Variants in SCN11A observed in about 807,000 individuals in gnomAD.
SCN11A encodes sodium voltage-gated channel alpha subunit 11, also known as sodium channel protein type 11 subunit alpha.
Under a neutral mutation model 162.2 loss-of-function variants are expected in SCN11A, and 122 were observed. The observed-to-expected ratio is 0.75, with a 90% confidence interval of 0.65 to 0.87. The LOEUF (loss-of-function observed/expected upper bound fraction) is 0.87. Among genes scored for constraint, SCN11A ranks in the 40% least tolerant of loss-of-function variants. The pLI, the probability that SCN11A is intolerant of heterozygous loss-of-function variation, is 0.00. For synonymous variants in SCN11A, 758 were observed against 751.5 expected (o/e 1.01, Z -0.14); for missense variants, 2,015 against 2,181.6 (o/e 0.92, Z 1.52).
intron 7 of SCN11A, 45 bp from the exon 8 acceptor site, chr3:38,926,976 T>C (rs374436118): frequency 8.3e-6 from 13 of 1,572,072 alleles, no homozygotes; most frequent in Middle Eastern, 1.7e-4. Flanking sequence ...TGATAAACAA[T>C]GTGAAAAGCA....
At chr3:38,952,912 G>A (rs1056561822) in intron 4 of SCN11A, among the ~76,000 whole-genome samples, 2 of 152,228 alleles carry the variant, frequency 1.3e-5, no homozygotes, top group African/African-American at 4.8e-5. Context: ...GCTTTACTCA[G>A]CAGAGGGAGA....
At chr3:38,882,253 A>C (rs2065321530) in intron 22 of SCN11A, among the ~76,000 whole-genome samples, 1 of 152,192 alleles carries the variant, frequency 6.6e-6, no homozygotes, top group African/African-American at 2.4e-5. Flanking sequence ...TAGAGATCAC[A>C]CAAGTGTAAA....
rs2065772805 is a variant in SCN11A, at chr3:38,905,174, T to C, written c.1603+18A>G. On this transcript the variant is annotated intron_variant, in intron 15 of 29. Coordinates refer to ENST00000302328, the MANE Select transcript of SCN11A (RefSeq NM_001349253.2). ...TCACTGAAGTAGACTTTCCCTTGGA[T>C]TGGGATGTGGAACTTACCCTTCATG... 6.2e-7 allele frequency: 1 copy of C among 1,613,770 alleles called. No homozygotes were observed. The highest frequency in any genetic ancestry group is 8.5e-7 in the Non-Finnish European group (1 of 1,179,854).
At chr3:38,898,252 C>A (rs1467840727) in intron 17 of SCN11A, among the ~76,000 whole-genome samples, 1 of 152,110 alleles carries the variant, frequency 6.6e-6, no homozygotes, top group Non-Finnish European at 1.5e-5. Flanking sequence ...AAGAAAATAA[C>A]AATAATCAAA....
At chr3:38,952,532 G>C (rs1339326350) in intron 4 of SCN11A, among the ~76,000 whole-genome samples, 1 of 152,222 alleles carries the variant, frequency 6.6e-6, no homozygotes, top group Non-Finnish European at 1.5e-5. Flanking sequence ...TAACGGTGAA[G>C]AAACACAGTC....
intron 2 of SCN11A, among the ~76,000 whole-genome samples, chr3:39,002,872 T>C (rs1450517004): frequency 6.6e-6 from 1 of 152,228 alleles, no homozygotes; most frequent in East Asian, 1.9e-4. Context: ...CAAGCTGAAC[T>C]GCTGCAGCTA....
chr3:38,991,415 C>T (rs1381580629), intron 2 of SCN11A, among the ~76,000 whole-genome samples: 1 of 152,176 alleles, frequency 6.6e-6, no homozygotes, highest in Non-Finnish European at 1.5e-5. Flanking sequence ...ACTATGCTCA[C>T]CCCCACCCTC....
In SCN11A at chr3:38,849,257, C is replaced by CCTT. The variant is rs1389887858; in HGVS notation, c.4327+1223_4327+1224insAAG. The CCTT allele has an allele frequency of 2.6e-4, 18 of 69,858 alleles. 1 individual carries two copies. The highest frequency in any genetic ancestry group is 1.1e-3 in the African/African-American group (17 of 15,446). 4.3% of individuals were successfully genotyped at this position (69,858 alleles called of 1,614,324 possible). A position where few individuals can be genotyped will look rare whatever the true frequency, so the allele number is the denominator to read the frequency against. On this transcript the variant is annotated intron_variant, in intron 29 of 29. Coordinates refer to ENST00000302328, the MANE Select transcript of SCN11A (RefSeq NM_001349253.2). ...GACATCTGACCACCATTTTCTAGCC[C>CCTT]TTTTTTTTTTTTTTTTTTTTTTTTT...
At chr3:38,946,558 C>T (rs1018054181) in intron 6 of SCN11A, among the ~76,000 whole-genome samples, 2 of 152,228 alleles carry the variant, frequency 1.3e-5, no homozygotes, top group African/African-American at 4.8e-5. Flanking sequence ...ACCAATCTCA[C>T]TAAAGAAGTT....
chr3:38,850,435 C>A, intron 29 of SCN11A, 46 bp downstream of exon 29: 1 of 1,541,798 alleles, frequency 6.5e-7, no homozygotes, highest in Non-Finnish European at 8.8e-7. Flanking sequence ...GATTTACAAA[C>A]TTACTTCTGG....
At chr3:38,862,677 T>G (rs1289061113) in intron 28 of SCN11A, among the ~76,000 whole-genome samples, 1 of 152,086 alleles carries the variant, frequency 6.6e-6, no homozygotes, top group Non-Finnish European at 1.5e-5. Context: ...CACTTATAAG[T>G]AGGACCTAAG....
At position 38,847,647 on chromosome 3, in the gene SCN11A, T is replaced by G; in HGVS notation, c.4423A>C (p.Arg1475=). 1.2e-6 allele frequency: 2 copies of G among 1,614,000 alleles called. No homozygotes were observed. The highest frequency in any genetic ancestry group is 1.7e-6 in the Non-Finnish European group (2 of 1,179,940). Residue 1475 remains arginine, a synonymous_variant, in exon 30 of 30, where the codon AGG becomes CGG. Transcript: ENST00000302328. The part of the protein sequence containing the change: ...VRLARIGRIL[R]LVRAARGIRT... ...ATTCCTCGTGCAGCCCGGACAAGCC[T>G]CAGGATTCGGCCAATCCGAGCCAAG...
chr3:38,993,907 G>T (rs2030530993), intron 2 of SCN11A, among the ~76,000 whole-genome samples: 1 of 152,196 alleles, frequency 6.6e-6, no homozygotes, highest in African/African-American at 2.4e-5. Context: ...AATTACATGG[G>T]AAGCAGCCTT....
chr3:38,868,044 G>A (rs2065069656), intron 26 of SCN11A, among the ~76,000 whole-genome samples: 1 of 152,114 alleles, frequency 6.6e-6, no homozygotes, highest in African/African-American at 2.4e-5. Flanking sequence ...GCTCTAAAAT[G>A]GACACAAATG....
chr3:38,849,881 C>T (rs2064746097), intron 29 of SCN11A: 1 of 152,230 alleles, frequency 6.6e-6, no homozygotes, highest in South Asian at 2.1e-4. Flanking sequence ...GAATCTGAGA[C>T]AAGCACAGTT....
chr3:38,934,518 A>C (rs1450272382), intron 7 of SCN11A, among the ~76,000 whole-genome samples: 1 of 152,202 alleles, frequency 6.6e-6, no homozygotes, highest in Non-Finnish European at 1.5e-5. Flanking sequence ...GCTCAAAATA[A>C]AAGGATGGAG....
rs2066728855 is a variant in SCN11A, at chr3:38,960,285, G to C, written c.-141C>G. ...TGCACCCGGCCCAGAGGACTTACCTGACTTCTTGGTAAGGTGGCTCCAGAC... is the reference window on the plus strand; with the variant it reads ...TGCACCCGGCCCAGAGGACTTACCTCACTTCTTGGTAAGGTGGCTCCAGAC... On this transcript the variant is annotated splice_region_variant and 5_prime_UTR_variant, in exon 3 of 30. It introduces an in-frame stop codon into an upstream open reading frame of the 5' UTR. Transcript: ENST00000302328. Among the ~76,000 whole-genome samples the C allele has an allele frequency of 1.3e-5, 2 of 152,198 alleles. No individual in the cohort carries two copies. The highest frequency in any genetic ancestry group is 4.1e-4 in the South Asian group (2 of 4,836).
intron 7 of SCN11A, among the ~76,000 whole-genome samples, chr3:38,929,135 G>GCGCA (rs1463876491): frequency 6.8e-4 from 45 of 66,602 alleles, no homozygotes; most frequent in African/African-American, 2.1e-3. Flanking sequence ...GTCTGTGCAC[G>GCGCA]CACACACACA....
In SCN11A at chr3:38,970,791, C is replaced by T. The variant is rs150256245; in HGVS notation, c.-279-10368G>A. Among the ~76,000 whole-genome samples, 829 of 152,322 alleles carry T rather than the reference C, an allele frequency of 5.4e-3. 2 individuals are homozygous for T. The highest frequency in any genetic ancestry group is 6.8e-3 in the Middle Eastern group (2 of 294). On this transcript the variant is annotated intron_variant, in intron 2 of 29. Coordinates refer to ENST00000302328, the MANE Select transcript of SCN11A (RefSeq NM_001349253.2). The stretch of plus-strand genomic sequence containing the variant: ...CTGAGAAGAGGTCAGCACCATGGGC[C>T]GTGAGCACACCCTGACCATGAAGGC...
Sources: gnomAD v4.1 joint callset for allele counts (sites outside exome capture counted in the v4.1 genomes callset) on GRCh38, gnomAD v4.1.1 for gene constraint, MANE v1.5 for transcripts, NCBI Gene and HGNC (gene_info 2026-07-23, HGNC 2026-07-21) for gene names.